Variants in HDAC9 observed in about 807,000 individuals in gnomAD.
HDAC9 encodes histone deacetylase 9, also known as MEF-2 interacting transcription repressor (MITR) protein.
A neutral mutation model predicts 139.4 loss-of-function variants in HDAC9; 41 were observed. The ratio of observed to expected loss-of-function variants is 0.29; its 90% confidence interval spans 0.23 to 0.38. The LOEUF (loss-of-function observed/expected upper bound fraction) is 0.38. Ranked by LOEUF, HDAC9 falls within the 10% of genes least tolerant of loss-of-function variation. The pLI, the probability that HDAC9 is intolerant of heterozygous loss-of-function variation, is 1.00. For missense variants in HDAC9, 1,147 were observed against 1,297.0 expected (o/e 0.88, Z 1.78); for synonymous variants, 517 against 476.2 (o/e 1.09, Z -1.12).
chr7:18,387,967 C>CA (rs1207737479), intron 1 of HDAC9, among the ~76,000 whole-genome samples: 4 of 151,894 alleles, frequency 2.6e-5, no homozygotes, highest in African/African-American at 9.7e-5. Flanking sequence ...AAAAGCTTTC[C>CA]ATTCACGTTA....
At chr7:18,154,802 A>G (rs1787054367) in intron 1 of HDAC9, among the ~76,000 whole-genome samples, 1 of 152,240 alleles carries the variant, frequency 6.6e-6, no homozygotes, top group African/African-American at 2.4e-5. Context: ...AATTACAATG[A>G]TGGCTAAAGG....
Position 18,268,493 on chromosome 7 carries a change from TAA to T in HDAC9, c.25+106155_25+106156del, listed in dbSNP as rs10714538. Among the ~76,000 whole-genome samples the T allele has an allele frequency of 1.5e-4, 22 of 148,802 alleles. No homozygotes were observed. The East Asian group carries it at 2.9e-3, about 20-fold the overall frequency. On this transcript the variant is annotated intron_variant, in intron 2 of 12. Transcript: ENST00000417496. ...GCCAGAGAGGTTGCAAGAACCAAAT[TAA>T]AAAAAAAAAAGTTGTTGCTGAAAAT...
At chr7:18,412,539 A>G (rs964456917) in intron 1 of HDAC9, among the ~76,000 whole-genome samples, 6 of 152,208 alleles carry the variant, frequency 3.9e-5, no homozygotes, top group African/African-American at 9.6e-5. Flanking sequence ...TAGGAATCCT[A>G]TGATGAAGAC....
At chr7:18,679,769 C>G (rs986237596) in intron 12 of HDAC9, among the ~76,000 whole-genome samples, 6 of 151,658 alleles carry the variant, frequency 4.0e-5, no homozygotes, top group African/African-American at 1.2e-4. Flanking sequence ...TTTATAACAT[C>G]TAAATACTAG....
At chr7:18,430,116 G>A (rs1281968463) in intron 1 of HDAC9, among the ~76,000 whole-genome samples, 3 of 152,050 alleles carry the variant, frequency 2.0e-5, no homozygotes, top group Non-Finnish European at 2.9e-5. Context: ...TACAAAGTAC[G>A]CAAAGCCAGG....
At chr7:18,876,535 T>C (rs559974231) in intron 22 of HDAC9, among the ~76,000 whole-genome samples, 34 of 152,296 alleles carry the variant, frequency 2.2e-4, no homozygotes, top group African/African-American at 7.9e-4. Flanking sequence ...TAGTTGAAAC[T>C]CTTCACATAT....
chr7:18,780,452 G>T lies in HDAC9; in HGVS notation c.2215-12893G>T, dbSNP rs188556335. Among the ~76,000 whole-genome samples, 14 of 152,130 alleles carry T rather than the reference G, an allele frequency of 9.2e-5. No homozygotes were observed. In the East Asian group the frequency reaches 2.7e-3, roughly 30 times the overall value. ...GGGGAAGCTTCTGTGAGAGACAGGG[G>T]TGATGCATGACAACAGAGATCCAGG... On this transcript the variant is annotated intron_variant, in intron 16 of 25. Transcript: ENST00000686413.
intron 2 of HDAC9, among the ~76,000 whole-genome samples, chr7:18,510,621 C>T (rs1801201973): frequency 6.6e-6 from 1 of 152,008 alleles, no homozygotes; most frequent in Admixed American, 6.6e-5. Context: ...ATTTAATTAG[C>T]TATATTATTT....
chr7:18,155,191 G>A (rs976608932), intron 1 of HDAC9, among the ~76,000 whole-genome samples: 1 of 151,494 alleles, frequency 6.6e-6, no homozygotes, highest in Non-Finnish European at 1.5e-5. Flanking sequence ...ACTCAAATTG[G>A]TGATAATGGT....
chr7:18,379,155 G>T (rs1375298042), intron 1 of HDAC9, among the ~76,000 whole-genome samples: 1 of 152,068 alleles, frequency 6.6e-6, no homozygotes, highest in Admixed American at 6.6e-5. Flanking sequence ...ATCTGATTCT[G>T]TGAATAATAG....
intron 12 of HDAC9, among the ~76,000 whole-genome samples, chr7:18,673,255 A>G (rs1795768359): frequency 6.6e-6 from 1 of 151,982 alleles, no homozygotes; most frequent in Non-Finnish European, 1.5e-5. Context: ...CTGTAGCCTG[A>G]GTGACAAAAC....
At chr7:18,915,692 G>A (rs768495159) in intron 22 of HDAC9, among the ~76,000 whole-genome samples, 2 of 150,156 alleles carry the variant, frequency 1.3e-5, no homozygotes, top group Non-Finnish European at 3.0e-5. Flanking sequence ...CCCCGCATGT[G>A]TTCTGAATCA....
At chr7:18,355,087 T>A (rs1783151228) in intron 1 of HDAC9, among the ~76,000 whole-genome samples, 1 of 152,228 alleles carries the variant, frequency 6.6e-6, no homozygotes, top group Admixed American at 6.5e-5. Context: ...GAAGTGATGA[T>A]AATTATCCTT....
At chr7:18,418,019 A>G (rs533249075) in intron 1 of HDAC9, among the ~76,000 whole-genome samples, 1 of 152,268 alleles carries the variant, frequency 6.6e-6, no homozygotes, top group East Asian at 1.9e-4. Flanking sequence ...TCCCTATGCC[A>G]TCATATAGAA....
At chr7:18,654,064 A>G (rs1472240883) in intron 11 of HDAC9, among the ~76,000 whole-genome samples, 1 of 152,258 alleles carries the variant, frequency 6.6e-6, no homozygotes, top group East Asian at 1.9e-4. Flanking sequence ...TGCACTATTG[A>G]AAAAAGTATA....
chr7:18,091,282 CTACTA>C (rs577829167), intron 1 of HDAC9, among the ~76,000 whole-genome samples: 1 of 152,178 alleles, frequency 6.6e-6, no homozygotes, highest in Non-Finnish European at 1.5e-5. Context: ...GAGAGGAAAA[CTACTA>C]TCTATTGTTT....
chr7:18,150,276 G>C (rs1449603362), intron 1 of HDAC9, among the ~76,000 whole-genome samples: 1 of 151,710 alleles, frequency 6.6e-6, no homozygotes, highest in Non-Finnish European at 1.5e-5. Flanking sequence ...GATTTATTAG[G>C]TTGGTCCAGT....
chr7:18,913,487 C>T (rs1802917130), intron 22 of HDAC9, among the ~76,000 whole-genome samples: 1 of 152,084 alleles, frequency 6.6e-6, no homozygotes, highest in African/African-American at 2.4e-5. Flanking sequence ...TAGCAATACA[C>T]AATTTGTTCC....
chr7:18,094,439 CTTTT>C (rs762146571), intron 1 of HDAC9, among the ~76,000 whole-genome samples: 6 of 135,958 alleles, frequency 4.4e-5, no homozygotes. Flanking sequence ...GTTACCTTTA[CTTTT>C]TTTTTTTTTT....
Sources: gnomAD v4.1 joint callset for allele counts (sites outside exome capture counted in the v4.1 genomes callset) on GRCh38, gnomAD v4.1.1 for gene constraint, MANE v1.5 for transcripts, NCBI Gene and HGNC (gene_info 2026-07-23, HGNC 2026-07-21) for gene names.